The following HIP1R variants were observed in gnomAD, a reference collection of about 807,000 sequenced individuals.
HIP1R encodes huntingtin interacting protein 1 related, also known as huntingtin-interacting protein 1-related protein.
Under a neutral mutation model 144.2 loss-of-function variants are expected in HIP1R, and 135 were observed. The observed-to-expected ratio is 0.94, with a 90% confidence interval of 0.81 to 1.08. HIP1R has a LOEUF of 1.08. Ranked by LOEUF, HIP1R falls within the 50% of genes least tolerant of loss-of-function variation. The pLI is 0.00. For synonymous variants in HIP1R, 698 were observed against 612.8 expected, an observed-to-expected ratio of 1.14 and a Z score of -2.05; for missense variants, 1,462 against 1,432.8, an observed-to-expected ratio of 1.02 and a Z score of -0.33.
At chr12:122,856,820 G>A in intron 17 of HIP1R, 94 bp downstream of exon 17, 2 of 1,175,764 alleles carry the variant, frequency 1.7e-6, no homozygotes, top group South Asian at 2.8e-5. Context: ...CCACCTGGGT[G>A]CCACTCGGTG....
In HIP1R at chr12:122,854,063, G is replaced by A. The variant is rs769275103; in HGVS notation, c.598G>A (p.Ala200Thr). 3 of 1,613,484 alleles carry A rather than the reference G, an allele frequency of 1.9e-6. No individual in the cohort carries two copies. The African/African-American group carries it at 4.0e-5, about 22-fold the overall frequency. ...CACAGTTTTCCGACAGCTCAACACGGCCATCGCCGTATCCCAGATGTCCTC... is the reference window on the plus strand; with the variant it reads ...CACAGTTTTCCGACAGCTCAACACGACCATCGCCGTATCCCAGATGTCCTC... ...SESVFRQLNT[A>T]IAVSQMSSGQ... is the part of the protein sequence containing the mutation. Residue 200 changes from alanine (A) to threonine (T), a missense_variant, in exon 8 of 32, where the codon GCC (alanine) becomes ACC (threonine). Ala to Thr is a moderately conservative substitution (Grantham distance 58). Coordinates refer to ENST00000253083, the MANE Select transcript of HIP1R (RefSeq NM_003959.3).
intron 4 of HIP1R, among the ~76,000 whole-genome samples, 165 bp downstream of exon 4, chr12:122,849,017 G>A (rs539381827): frequency 6.6e-6 from 1 of 152,380 alleles, no homozygotes; most frequent in East Asian, 1.9e-4. Context: ...GCCTTTGAGG[G>A]CCTGGCCCAG....
At chr12:122,858,469 C>T in intron 20 of HIP1R, 34 bp downstream of exon 20, 6 of 1,526,706 alleles carry the variant, frequency 3.9e-6, no homozygotes, top group East Asian at 2.3e-5. Flanking sequence ...GAGGCGGGGG[C>T]TGTGTCCCAG....
chr12:122,838,730 TG>T (rs1346957372), intron 1 of HIP1R, among the ~76,000 whole-genome samples: 7 of 152,244 alleles, frequency 4.6e-5, no homozygotes, highest in African/African-American at 1.7e-4. Context: ...GCGATTCTCC[TG>T]GGCTACCAGG....
chr12:122,847,197 C>A (rs1379579110), intron 1 of HIP1R, among the ~76,000 whole-genome samples: 1 of 152,160 alleles, frequency 6.6e-6, no homozygotes, highest in Non-Finnish European at 1.5e-5. Flanking sequence ...TACCCCATGC[C>A]CCACGGAGCC....
At chr12:122,849,839 G>C (rs774873603) in intron 4 of HIP1R, 36 bp from the exon 5 acceptor site, 2 of 1,523,428 alleles carry the variant, frequency 1.3e-6, no homozygotes, top group South Asian at 1.1e-5. Context: ...ACGTGTTCAC[G>C]AGCCGTGGCC....
Position 122,855,146 on chromosome 12 carries a change from GCCCCGAGGCCCTTTGAGGA to G in HIP1R, c.852+23_852+41del, listed in dbSNP as rs774146563. 768 of 1,612,656 alleles carry G rather than the reference GCCCCGAGGCCCTTTGAGGA, an allele frequency of 4.8e-4. No individual in the cohort carries two copies. Among genetic ancestry groups the G allele is most frequent in the Middle Eastern group, 8.3e-4 (5 of 6,052 alleles). ...TGCCCGAGGTACCACCCCCAAGAGGGCCCCGAGGCCCTTTGAGGACCCCAGGCACCTGGCTGGGCCCCAC... is the reference window on the plus strand; with the variant it reads ...TGCCCGAGGTACCACCCCCAAGAGGGCCCCAGGCACCTGGCTGGGCCCCAC... On this transcript the variant is annotated intron_variant, in intron 10 of 31. Transcript: ENST00000253083.
chr12:122,861,333 C>T lies in HIP1R; in HGVS notation c.2978C>T (p.Thr993Met), dbSNP rs780940469. ...GTGCGTGTCCTGGAGCTGGAGAAGA[C>T]GCTGGAGGCTGAACGCATGCGGCTG... ...TQVRVLELEK[T>M]LEAERMRLGE... The change falls in exon 31 of 32, where the codon ACG becomes ATG. Residue 993 changes from threonine (T) to methionine (M), a missense_variant. By Grantham distance (81) the Thr-to-Met change is moderately conservative (BLOSUM62 -1). Around this residue, in one of 2 missense-constraint regions of HIP1R, gnomAD observed 1,112 missense variants for 1,011.7 expected, o/e 1.10. Coordinates refer to ENST00000253083, the MANE Select transcript of HIP1R (RefSeq NM_003959.3). The T allele has an allele frequency of 3.1e-5, 50 of 1,613,606 alleles. No homozygotes were observed. The highest frequency in any genetic ancestry group is 3.3e-4 in the Middle Eastern group (2 of 6,082).
chr12:122,850,984 C>G lies in HIP1R; in HGVS notation c.515+73C>G. On this transcript the variant is annotated intron_variant, in intron 6 of 31. Coordinates refer to ENST00000253083, the MANE Select transcript of HIP1R (RefSeq NM_003959.3). ...ATTCCTTCCTACCGCGTCTCACGCC[C>G]AGGCGTCCGCATGGGGCAGTGGGGT... 3.0e-6 allele frequency: 4 copies of G among 1,337,878 alleles called. No homozygotes were observed. The Admixed American group carries it at 7.8e-5, about 26-fold the overall frequency. The allele number at this position is 1,337,878 out of a possible 1,614,324, so 82.9% of individuals were successfully genotyped here.
rs556597427 is a variant in HIP1R, at chr12:122,838,364, T to C, written c.93+2721T>C. Among the ~76,000 whole-genome samples the C allele has an allele frequency of 7.2e-5, 11 of 152,232 alleles. No individual in the cohort carries two copies. The South Asian group carries it at 2.3e-3, about 32-fold the overall frequency. ...TTTTCAAAATGGAGGTGACAAACTT[T>C]TATTGTCTTGTTGCTGTTTTCTGAA... On this transcript the variant is annotated intron_variant, in intron 1 of 31. Coordinates refer to ENST00000253083, the MANE Select transcript of HIP1R (RefSeq NM_003959.3).
At chr12:122,846,000 T>C (rs907928333) in intron 1 of HIP1R, among the ~76,000 whole-genome samples, 7 of 152,214 alleles carry the variant, frequency 4.6e-5, no homozygotes, top group Admixed American at 3.3e-4. Context: ...GTCTACAGCC[T>C]CTCTGGTGCC....
At chr12:122,838,267 A>G (rs1416063006) in intron 1 of HIP1R, among the ~76,000 whole-genome samples, 1 of 152,014 alleles carries the variant, frequency 6.6e-6, no homozygotes, top group Non-Finnish European at 1.5e-5. Context: ...TCCCAGGGGA[A>G]TGTCCAGAAA....
intron 1 of HIP1R, among the ~76,000 whole-genome samples, chr12:122,837,565 C>T (rs751339558): frequency 3.3e-5 from 5 of 152,174 alleles, no homozygotes; most frequent in Admixed American, 6.5e-5. Context: ...GCGATCCACC[C>T]GCCTCACCTC....
chr12:122,838,065 C>G (rs2032956906), intron 1 of HIP1R, among the ~76,000 whole-genome samples: 1 of 152,172 alleles, frequency 6.6e-6, no homozygotes, highest in Admixed American at 6.5e-5. Flanking sequence ...TATTCACTAG[C>G]CTGCCAGCCT....
Position 122,840,746 on chromosome 12 carries a change from G to A in HIP1R, c.93+5103G>A, listed in dbSNP as rs544095917. 3.9e-5 allele frequency among the ~76,000 whole-genome samples: 6 copies of A among 152,338 alleles called. No homozygotes were observed. In the East Asian group the frequency reaches 9.6e-4, roughly 24 times the overall value. ...CACAGAGGTTGGGGGGACTCAGGCA[G>A]GTGGGGACAGCCCTTCCCTGGAAGA... On this transcript the variant is annotated intron_variant, in intron 1 of 31. Coordinates refer to ENST00000253083, the MANE Select transcript of HIP1R (RefSeq NM_003959.3). This position sits in a 1 kb window ranked among gnomAD's most constrained non-coding sequence, Gnocchi z 4.2.
At chr12:122,855,469 G>A (rs2033538442) in intron 11 of HIP1R, 64 bp downstream of exon 11, 5 of 1,547,222 alleles carry the variant, frequency 3.2e-6, no homozygotes, top group Admixed American at 3.9e-5. Context: ...CAACGGGAGT[G>A]TCGGGTGGCC....
rs1220201271 is a variant in HIP1R at position 122,854,896 on chromosome 12, A to AC, written c.719-6dup. ...AGAGAAGTCCTGTTACACTTGTGCC[A>AC]CCCTCCAGGTCTCCCTGCGGACACC... On this transcript the variant is annotated splice_polypyrimidine_tract_variant and intron_variant, in intron 8 of 31. Coordinates refer to ENST00000253083, the MANE Select transcript of HIP1R (RefSeq NM_003959.3). 1 of 1,611,792 alleles carries AC rather than the reference A, an allele frequency of 6.2e-7. No individual in the cohort carries two copies. Among genetic ancestry groups the AC allele is most frequent in the Non-Finnish European group, 8.5e-7 (1 of 1,179,372 alleles).
Position 122,861,552 on chromosome 12 carries a change from G to A in HIP1R, c.3159+38G>A, listed in dbSNP as rs1351099071. 8 of 1,588,610 alleles carry A rather than the reference G, an allele frequency of 5.0e-6. No individual in the cohort carries two copies. In the South Asian group the frequency reaches 6.8e-5, roughly 13 times the overall value. ...CTGGGATGGGGGAGTTCCTGGACGGGGGTGCTGTCCCCAGCCCTAGAGGGG... is the reference window on the plus strand; with the variant it reads ...CTGGGATGGGGGAGTTCCTGGACGGAGGTGCTGTCCCCAGCCCTAGAGGGG... On this transcript the variant is annotated intron_variant, in intron 31 of 31. Transcript: ENST00000253083.
At chr12:122,841,915 G>T (rs973715865) in intron 1 of HIP1R, among the ~76,000 whole-genome samples, 1 of 152,144 alleles carries the variant, frequency 6.6e-6, no homozygotes, top group Non-Finnish European at 1.5e-5. Context: ...TTTCCTAAAC[G>T]CTGAAATGAC....
Sources: gnomAD v4.1 joint callset for allele counts (sites outside exome capture counted in the v4.1 genomes callset) on GRCh38, gnomAD v4.1.1 for gene constraint, gnomAD v4.1.1 regional missense constraint, Gnocchi (gnomAD v3.1) non-coding constraint, MANE v1.5 for transcripts, NCBI Gene and HGNC (gene_info 2026-07-23, HGNC 2026-07-21) for gene names.